Variants in MED20 observed in about 807,000 individuals in gnomAD.
MED20 encodes the protein mediator of RNA polymerase II transcription subunit 20.
Under a neutral mutation model 19.7 loss-of-function variants are expected in MED20, and 19 were observed. The observed-to-expected ratio is 0.96, with a 90% CI of 0.67 to 1.42. The LOEUF (loss-of-function observed/expected upper bound fraction) is 1.42. Ranked by LOEUF, MED20 falls within the 40% of genes most tolerant of loss-of-function variation. The pLI, the probability that MED20 is intolerant of heterozygous loss-of-function variation, is 0.00. For synonymous variants in MED20, 105 were observed against 104.8 expected, an observed-to-expected ratio of 1.00 and a Z score of -0.01; for missense variants, 225 against 273.0, an observed-to-expected ratio of 0.82 and a Z score of 1.24.
At chr6:41,913,107 CAAAA>C (rs552007869) in intron 2 of MED20, 4 of 83,432 alleles carry the variant, frequency 4.8e-5, no homozygotes, top group Non-Finnish European at 7.5e-5. Flanking sequence ...GACCCTGTCT[CAAAA>C]AAAAAAAAAA....
At chr6:41,918,180 A>G (rs1775364758) in intron 1 of MED20, among the ~76,000 whole-genome samples, 1 of 152,182 alleles carries the variant, frequency 6.6e-6, no homozygotes, top group South Asian at 2.1e-4. Context: ...CGATAGTCCT[A>G]TGAAGGTGTG....
At chr6:41,908,253 C>T (rs1363103347) in intron 3 of MED20, among the ~76,000 whole-genome samples, 1 of 152,200 alleles carries the variant, frequency 6.6e-6, no homozygotes. Flanking sequence ...TTCAGCCTCA[C>T]TCTTAATAAA....
chr6:41,909,568 A>T, intron 2 of MED20, 46 bp from the exon 3 acceptor site: 5 of 1,601,178 alleles, frequency 3.1e-6, no homozygotes, highest in Non-Finnish European at 4.3e-6. Context: ...TTTCACTGGC[A>T]AACCCCAGAG....
intron 1 of MED20, among the ~76,000 whole-genome samples, chr6:41,920,377 A>G (rs893403670): frequency 6.6e-6 from 1 of 152,148 alleles, no homozygotes; most frequent in Non-Finnish European, 1.5e-5. Context: ...AATCTTAAAA[A>G]ATACTATCTC....
At position 41,921,097 on chromosome 6, in the gene MED20, T is replaced by C. The variant is rs1775454634; in HGVS notation, c.-79A>G. On this transcript the variant is annotated 5_prime_UTR_variant, in exon 1 of 4. Coordinates refer to ENST00000265350, the MANE Select transcript of MED20 (RefSeq NM_004275.5). ...GTCCGCCCACAGAAACTCCTTCAGT[T>C]CCCCAACACAACCTTCTGTCTCAGA... 1.3e-6 allele frequency: 2 copies of C among 1,570,142 alleles called. No individual in the cohort carries two copies. The highest frequency in any genetic ancestry group is 1.8e-5 in the Admixed American group (1 of 56,376).
intron 2 of MED20, chr6:41,913,060 T>C (rs1323981783): frequency 1.3e-5 from 2 of 148,822 alleles, no homozygotes; most frequent in Non-Finnish European, 3.0e-5. Context: ...TAGTGAGCTA[T>C]GATCATGCCA....
At chr6:41,918,155 C>G (rs1410927999) in intron 1 of MED20, among the ~76,000 whole-genome samples, 1 of 152,200 alleles carries the variant, frequency 6.6e-6, no homozygotes, top group African/African-American at 2.4e-5. Context: ...GATGAATTAA[C>G]TCTCCAAATC....
chr6:41,907,050 C>A lies in MED20; in HGVS notation c.*22G>T, dbSNP rs142578784. On this transcript the variant is annotated 3_prime_UTR_variant, in exon 4 of 4. Transcript: ENST00000265350. ...CTGTGGAGTACCCCTGGTGACAGAGCTCAGCTGGCAGCTGCTCATCACTAA... is the reference window on the plus strand; with the variant it reads ...CTGTGGAGTACCCCTGGTGACAGAGATCAGCTGGCAGCTGCTCATCACTAA... 29,592 of 1,610,076 alleles carry A rather than the reference C, an allele frequency of 0.018. 442 individuals carry two copies. Among genetic ancestry groups the A allele is most frequent in the South Asian group, 0.06 (5,481 of 90,912 alleles).
At chr6:41,920,012 T>C (rs575894919) in intron 1 of MED20, among the ~76,000 whole-genome samples, 1 of 152,318 alleles carries the variant, frequency 6.6e-6, no homozygotes, top group East Asian at 1.9e-4. Flanking sequence ...GCCTCCGGAT[T>C]TCTCCCACGG....
rs1353532070 is a variant in MED20, at chr6:41,921,074, C to A, written c.-56G>T. 5.0e-6 allele frequency: 8 copies of A among 1,603,338 alleles called. No homozygotes were observed. ...ACAGTAGAAACGCAGGGTTCCCTGTCCGCCCACAGAAACTCCTTCAGTTCC... is the reference window on the plus strand; with the variant it reads ...ACAGTAGAAACGCAGGGTTCCCTGTACGCCCACAGAAACTCCTTCAGTTCC... On this transcript the variant is annotated 5_prime_UTR_variant, in exon 1 of 4. Transcript: ENST00000265350.
intron 1 of MED20, 47 bp from the exon 2 acceptor site, chr6:41,916,986 T>C: frequency 1.2e-6 from 2 of 1,607,922 alleles, no homozygotes; most frequent in Non-Finnish European, 1.7e-6. Context: ...GACACACGTG[T>C]GCTCACTGAG....
At chr6:41,908,326 G>A (rs1351297531) in intron 3 of MED20, among the ~76,000 whole-genome samples, 4 of 152,116 alleles carry the variant, frequency 2.6e-5, no homozygotes, top group African/African-American at 9.7e-5. Flanking sequence ...TCAGTGCTGG[G>A]CACATTATAG....
intron 1 of MED20, among the ~76,000 whole-genome samples, chr6:41,919,332 A>T (rs918877682): frequency 4.6e-5 from 7 of 152,156 alleles, no homozygotes; most frequent in Non-Finnish European, 8.8e-5. Context: ...AAAATCGATT[A>T]AAAAATTAAT....
In MED20 at chr6:41,921,082, A is replaced by T; in HGVS notation, c.-64T>A. On this transcript the variant is annotated 5_prime_UTR_variant, in exon 1 of 4. Coordinates refer to ENST00000265350, the MANE Select transcript of MED20 (RefSeq NM_004275.5). ...AACGCAGGGTTCCCTGTCCGCCCAC[A>T]GAAACTCCTTCAGTTCCCCAACACA... 6.2e-7 allele frequency: 1 copy of T among 1,600,196 alleles called. No homozygotes were observed. The highest frequency in any genetic ancestry group is 1.7e-5 in the Admixed American group (1 of 57,882).
chr6:41,909,887 T>C (rs985244197), intron 2 of MED20, among the ~76,000 whole-genome samples: 10 of 152,226 alleles, frequency 6.6e-5, no homozygotes, highest in Non-Finnish European at 1.2e-4. Context: ...TATTATCATA[T>C]ATTACATAAG....
rs574880786 is a variant in MED20 at position 41,917,214 on chromosome 6, A to G, written c.15-275T>C. Among the ~76,000 whole-genome samples, 4 of 152,236 alleles carry G rather than the reference A, an allele frequency of 2.6e-5. No individual in the cohort carries two copies. In the South Asian group the frequency reaches 8.3e-4, roughly 32 times the overall value. ...CAGGAGTTCAAGACAAGCCTGGCCA[A>G]CATGGTGAAACCCCGTCTCTACTAA... is the stretch of plus-strand genomic sequence containing the variant. On this transcript the variant is annotated intron_variant, in intron 1 of 3. Coordinates refer to ENST00000265350, the MANE Select transcript of MED20 (RefSeq NM_004275.5).
chr6:41,906,972 G>T lies in MED20; in HGVS notation c.*100C>A. On this transcript the variant is annotated 3_prime_UTR_variant, in exon 4 of 4. Coordinates refer to ENST00000265350, the MANE Select transcript of MED20 (RefSeq NM_004275.5). Reference sequence around the variant, plus strand: ...ACCAGAGAAGGAGAGTAGAGTCCATGTCTACCCTGGGTTTCTGGGGTCCAG... The same window carrying T: ...ACCAGAGAAGGAGAGTAGAGTCCATTTCTACCCTGGGTTTCTGGGGTCCAG... 3 of 1,055,582 alleles carry T rather than the reference G, an allele frequency of 2.8e-6. No homozygotes were observed. The highest frequency in any genetic ancestry group is 4.2e-6 in the Non-Finnish European group (3 of 709,224). The allele number at this position is 1,055,582 out of a possible 1,614,324, so 65.4% of individuals were successfully genotyped here.
Position 41,907,066 on chromosome 6 carries a change from T to C in MED20, c.*6A>G. On this transcript the variant is annotated 3_prime_UTR_variant, in exon 4 of 4. Transcript: ENST00000265350. ...GTGACAGAGCTCAGCTGGCAGCTGC[T>C]CATCACTAACGAATCCCAGCCACCG... 1 of 1,612,614 alleles carries C rather than the reference T, an allele frequency of 6.2e-7. No homozygotes were observed. The highest frequency in any genetic ancestry group is 8.5e-7 in the Non-Finnish European group (1 of 1,179,640).
At chr6:41,918,435 C>T (rs1447588492) in intron 1 of MED20, among the ~76,000 whole-genome samples, 7 of 150,782 alleles carry the variant, frequency 4.6e-5, no homozygotes, top group African/African-American at 1.5e-4. Context: ...AACCAGGAGG[C>T]GGAGGTTGCA....
Sources: gnomAD v4.1 joint callset for allele counts (sites outside exome capture counted in the v4.1 genomes callset) on GRCh38, gnomAD v4.1.1 for gene constraint, MANE v1.5 for transcripts, NCBI Gene and HGNC (gene_info 2026-07-23, HGNC 2026-07-21) for gene names.